The following THOC5 variants were observed in gnomAD, a reference collection of about 807,000 sequenced individuals.
The protein encoded by THOC5 is THO complex subunit 5.
Under a neutral mutation model 92.9 loss-of-function variants are expected in THOC5, and 43 were observed. The observed-to-expected ratio is 0.46, with a 90% CI of 0.36 to 0.60. THOC5 has a LOEUF of 0.60. THOC5 is among the 20% of genes least tolerant of loss of function. The pLI is 0.00. For synonymous variants in THOC5, 296 were observed against 320.1 expected (o/e 0.92, Z 0.80); for missense variants, 659 against 849.4 (o/e 0.78, Z 2.79).
intron 8 of THOC5, among the ~76,000 whole-genome samples, chr22:29,529,996 A>G (rs576922069): frequency 1.3e-5 from 2 of 152,044 alleles, no homozygotes; most frequent in East Asian, 3.9e-4. Context: ...TACAAAAATT[A>G]GCTGTGTGTG....
chr22:29,545,722 C>CCTGT (rs1286843966), intron 2 of THOC5, among the ~76,000 whole-genome samples: 9 of 152,212 alleles, frequency 5.9e-5, no homozygotes, highest in Non-Finnish European at 1.2e-4. Flanking sequence ...CAGCTCCACC[C>CCTGT]CTGTGGCTTT....
rs1350996585 is a variant in THOC5 at position 29,539,002 on chromosome 22, C to G, written c.599+328G>C. On this transcript the variant is annotated intron_variant, in intron 6 of 19. Transcript: ENST00000490103. ...GGTGCACACCTACCACCCAGCTACTCGGGAGGCTGAGGACTGAGAATCACT... is the reference window on the plus strand; with the variant it reads ...GGTGCACACCTACCACCCAGCTACTGGGGAGGCTGAGGACTGAGAATCACT... Among the ~76,000 whole-genome samples the G allele has an allele frequency of 2.7e-5, 4 of 146,656 alleles. No homozygotes were observed. In the Admixed American group the frequency reaches 2.8e-4, roughly 10 times the overall value.
rs1423686646 is a variant in THOC5 at position 29,549,729 on chromosome 22, C to T, written c.-11-571G>A. Among the ~76,000 whole-genome samples the T allele has an allele frequency of 2.0e-5, 3 of 152,164 alleles. No homozygotes were observed. In the East Asian group the frequency reaches 5.8e-4, roughly 29 times the overall value. ...TGTCCCCAACCTACCTTCCCAACTT[C>T]ATTTCTTGCATTCCTATTCCTACCG... On this transcript the variant is annotated intron_variant, in intron 1 of 19. Coordinates refer to ENST00000490103, the MANE Select transcript of THOC5 (RefSeq NM_003678.5).
At chr22:29,552,913 G>C (rs1188970349) in intron 1 of THOC5, among the ~76,000 whole-genome samples, 3 of 152,334 alleles carry the variant, frequency 2.0e-5, no homozygotes, top group South Asian at 4.1e-4. Context: ...CTTCTGCCTT[G>C]GGATGCTGTT....
intron 6 of THOC5, among the ~76,000 whole-genome samples, chr22:29,536,956 C>CA (rs1239463812): frequency 1.3e-5 from 2 of 152,186 alleles, no homozygotes; most frequent in African/African-American, 4.8e-5. Flanking sequence ...TGCTTATCCC[C>CA]AAAGGAGGAA....
intron 17 of THOC5, among the ~76,000 whole-genome samples, chr22:29,516,401 A>C (rs2063333060): frequency 6.6e-6 from 1 of 152,220 alleles, no homozygotes; most frequent in Admixed American, 6.5e-5. Flanking sequence ...GAACTGTCTT[A>C]GAACTACAGA....
intron 1 of THOC5, among the ~76,000 whole-genome samples, chr22:29,549,894 C>T (rs2064107017): frequency 6.6e-6 from 1 of 152,088 alleles, no homozygotes; most frequent in Non-Finnish European, 1.5e-5. Flanking sequence ...AAGCAATGCT[C>T]ATCTGCTCTA....
chr22:29,516,733 G>C (rs897026631), intron 17 of THOC5, among the ~76,000 whole-genome samples: 1 of 152,204 alleles, frequency 6.6e-6, no homozygotes, highest in African/African-American at 2.4e-5. Flanking sequence ...GTGAAGGAAG[G>C]AGCAAAGAGC....
intron 9 of THOC5, 51 bp from the exon 10 acceptor site, chr22:29,528,517 C>T (rs1268122783): frequency 6.2e-7 from 1 of 1,603,050 alleles, no homozygotes; most frequent in Non-Finnish European, 8.5e-7. Context: ...CCAAATGCTC[C>T]CTAAAGCACT....
rs892018524 is a variant in THOC5 at position 29,520,715 on chromosome 22, C to T, written c.1277+283G>A. Among the ~76,000 whole-genome samples the T allele has an allele frequency of 2.6e-5, 4 of 152,154 alleles. No individual in the cohort carries two copies. In the South Asian group the frequency reaches 8.3e-4, roughly 31 times the overall value. On this transcript the variant is annotated intron_variant, in intron 13 of 19. Transcript: ENST00000490103. Reference sequence around the variant, plus strand: ...TTTGCCATGTTGCCCAGGCTGGTATCGAACTCCTGAGCTCAAGGAATCCAC... The same window carrying T: ...TTTGCCATGTTGCCCAGGCTGGTATTGAACTCCTGAGCTCAAGGAATCCAC...
intron 19 of THOC5, 24 bp downstream of exon 19, chr22:29,511,082 C>G: frequency 1.2e-6 from 2 of 1,604,678 alleles, no homozygotes; most frequent in Non-Finnish European, 1.7e-6. Context: ...TGAGAAGTCA[C>G]CAGAGCCCCA....
chr22:29,546,863 A>T (rs1278569061), intron 2 of THOC5, among the ~76,000 whole-genome samples: 1 of 149,570 alleles, frequency 6.7e-6, no homozygotes, highest in Non-Finnish European at 1.5e-5. Flanking sequence ...TTTTTGAGAC[A>T]AGGTCTTGCT....
At chr22:29,529,122 C>T in intron 9 of THOC5, 40 bp downstream of exon 9, 1 of 1,602,550 alleles carries the variant, frequency 6.2e-7, no homozygotes, top group Non-Finnish European at 8.5e-7. Context: ...TGGATGGTGA[C>T]CTGGTGTCCC....
intron 17 of THOC5, among the ~76,000 whole-genome samples, chr22:29,513,012 G>A (rs1298426640): frequency 1.3e-5 from 2 of 152,172 alleles, no homozygotes; most frequent in Admixed American, 6.5e-5. Flanking sequence ...AATAACAGAG[G>A]AGAGGAGAGG....
intron 15 of THOC5, among the ~76,000 whole-genome samples, chr22:29,518,266 C>T (rs531028812): frequency 5.5e-4 from 83 of 152,260 alleles, no homozygotes; most frequent in African/African-American, 2.0e-3. Flanking sequence ...CTCCTGACCT[C>T]AAGTGATCTG....
At chr22:29,518,882 G>A (rs181808270) in intron 15 of THOC5, 124 bp downstream of exon 15, 39 of 740,268 alleles carry the variant, frequency 5.3e-5, no homozygotes, top group African/African-American at 2.3e-4. Flanking sequence ...TGCCCACTCC[G>A]TAAAGCCAGG....
chr22:29,543,323 G>T lies in THOC5; in HGVS notation c.354+106C>A, dbSNP rs2063938043. 2.4e-5 allele frequency: 18 copies of T among 758,334 alleles called. No individual in the cohort carries two copies. In the South Asian group the frequency reaches 3.2e-4, roughly 14 times the overall value. The allele number at this position is 758,334 out of a possible 1,614,324, so 47.0% of individuals were successfully genotyped here. ...AGATCGTGCCACTGCACTCTAGCCT[G>T]GGGGACAGAACGAGACTCTGTCTCA... is the stretch of plus-strand genomic sequence containing the variant. On this transcript the variant is annotated intron_variant, in intron 4 of 19. Transcript: ENST00000490103.
At chr22:29,510,819 G>A (rs918226730) in intron 19 of THOC5, among the ~76,000 whole-genome samples, 3 of 152,172 alleles carry the variant, frequency 2.0e-5, no homozygotes, top group African/African-American at 7.2e-5. Context: ...GGGGACAGGC[G>A]AGGATGCACA....
Position 29,508,420 on chromosome 22 carries a change from G to C in THOC5, c.*37C>G. On this transcript the variant is annotated 3_prime_UTR_variant, in exon 20 of 20. Coordinates refer to ENST00000490103, the MANE Select transcript of THOC5 (RefSeq NM_003678.5). ...AGAAAGCAGAAGCCCAGTGCTCAGG[G>C]TGAGGCCTTGGGGGAAACAACGGTC... The C allele has an allele frequency of 6.2e-7, 1 of 1,603,016 alleles. No homozygotes were observed. Among genetic ancestry groups the C allele is most frequent in the South Asian group, 1.1e-5 (1 of 90,808 alleles).
Sources: gnomAD v4.1 joint callset for allele counts (sites outside exome capture counted in the v4.1 genomes callset) on GRCh38, gnomAD v4.1.1 for gene constraint, MANE v1.5 for transcripts, NCBI Gene and HGNC (gene_info 2026-07-23, HGNC 2026-07-21) for gene names.